Variants in EYA1 observed in about 807,000 individuals in gnomAD.
EYA1 encodes the protein protein phosphatase EYA1.
Under a neutral mutation model 82.0 loss-of-function variants are expected in EYA1, and 16 were observed. That is an observed-to-expected ratio of 0.20 (90% CI 0.13 to 0.30). The LOEUF is 0.30. EYA1 is among the 10% of genes least tolerant of loss of function. The probability of loss-of-function intolerance (pLI) is 1.00; values close to 1 mark genes in which losing one functional copy is unlikely to be tolerated. For synonymous variants in EYA1, 261 were observed against 264.4 expected (o/e 0.99, Z 0.12); for missense variants, 633 against 730.7 (o/e 0.87, Z 1.54).
At chr8:71,203,937 A>C (rs1807402276) in intron 17 of EYA1, among the ~76,000 whole-genome samples, 1 of 152,180 alleles carries the variant, frequency 6.6e-6, no homozygotes, top group Non-Finnish European at 1.5e-5. Flanking sequence ...CTGGTTTGGG[A>C]TAGCTGAATT....
At chr8:71,541,980 AT>A (rs1815173856) in intron 1 of EYA1, among the ~76,000 whole-genome samples, 1 of 152,176 alleles carries the variant, frequency 6.6e-6, no homozygotes, top group Admixed American at 6.5e-5. Flanking sequence ...CTCAGTTATT[AT>A]TTTTGCTGTC....
chr8:71,306,131 C>T (rs1452009210), intron 7 of EYA1, among the ~76,000 whole-genome samples: 2 of 152,200 alleles, frequency 1.3e-5, no homozygotes, highest in Non-Finnish European at 2.9e-5. Context: ...TAAGGAGGTG[C>T]TCAGCAAAAT....
At chr8:71,373,473 TGAAA>T (rs1355030678) in intron 2 of EYA1, among the ~76,000 whole-genome samples, 1 of 152,018 alleles carries the variant, frequency 6.6e-6, no homozygotes, top group African/African-American at 2.4e-5. Context: ...GAAACATTGA[TGAAA>T]GAAATTAAGA....
chr8:71,435,403 A>AAT (rs1220604476), intron 2 of EYA1, among the ~76,000 whole-genome samples: 1 of 152,054 alleles, frequency 6.6e-6, no homozygotes, highest in Non-Finnish European at 1.5e-5. Flanking sequence ...TGATTCATAT[A>AAT]TAAATATATT....
At chr8:71,403,061 A>G (rs993136467) in intron 2 of EYA1, among the ~76,000 whole-genome samples, 1 of 152,228 alleles carries the variant, frequency 6.6e-6, no homozygotes, top group Non-Finnish European at 1.5e-5. Flanking sequence ...CCCAAAAGCT[A>G]CAAAGGAGAA....
chr8:71,542,232 C>T (rs1002629684), intron 1 of EYA1, among the ~76,000 whole-genome samples: 2 of 152,098 alleles, frequency 1.3e-5, no homozygotes, highest in East Asian at 1.9e-4. Context: ...CTTCACCCTC[C>T]GATAGACTCC....
intron 3 of EYA1, among the ~76,000 whole-genome samples, chr8:71,354,330 T>C (rs1365973788): frequency 6.6e-6 from 1 of 152,198 alleles, no homozygotes; most frequent in African/African-American, 2.4e-5. Flanking sequence ...AATTATTTCA[T>C]TGATATTTAC....
chr8:71,535,722 G>C (rs1336187277), intron 2 of EYA1: 1 of 1,496,844 alleles, frequency 6.7e-7, no homozygotes, highest in East Asian at 2.5e-5. Context: ...CTTTCCTTAG[G>C]ACTGACATTC....
At chr8:71,405,370 C>A (rs112842404) in intron 2 of EYA1, among the ~76,000 whole-genome samples, 1 of 152,208 alleles carries the variant, frequency 6.6e-6, no homozygotes, top group Non-Finnish European at 1.5e-5. Context: ...TAACTCTTAA[C>A]CACAGAATGT....
At chr8:71,283,892 T>C (rs894047906) in intron 9 of EYA1, among the ~76,000 whole-genome samples, 1 of 152,204 alleles carries the variant, frequency 6.6e-6, no homozygotes, top group Non-Finnish European at 1.5e-5. Flanking sequence ...TGTTTAGGGA[T>C]GTATTACTGT....
intron 2 of EYA1, among the ~76,000 whole-genome samples, chr8:71,406,112 G>A (rs1166839219): frequency 6.6e-6 from 1 of 152,168 alleles, no homozygotes; most frequent in African/African-American, 2.4e-5. Flanking sequence ...GCAGTTTTTT[G>A]TGTATCAGTT....
chr8:71,199,879 T>TTTATTTCCCTCAGTTATTCTTCA (rs1806733849), intron 17 of EYA1: 1 of 175,520 alleles, frequency 5.7e-6, no homozygotes, highest in South Asian at 1.3e-4. Flanking sequence ...TTTTTTTCCA[T>TTTATTTCCCTCAGTTATTCTTCA]TTATTTCCCT....
chr8:71,326,887 C>G (rs1823215214), intron 4 of EYA1, among the ~76,000 whole-genome samples: 4 of 152,124 alleles, frequency 2.6e-5, no homozygotes, highest in African/African-American at 9.7e-5. Context: ...AGTGACCTCT[C>G]AAAAACATAA....
At chr8:71,268,507 T>C (rs923762574) in intron 11 of EYA1, among the ~76,000 whole-genome samples, 3 of 152,228 alleles carry the variant, frequency 2.0e-5, no homozygotes, top group African/African-American at 4.8e-5. Flanking sequence ...ATTCCTACTA[T>C]GTGCTAATCA....
intron 2 of EYA1, among the ~76,000 whole-genome samples, chr8:71,486,330 T>C (rs1201704752): frequency 6.6e-6 from 1 of 151,984 alleles, no homozygotes; most frequent in Non-Finnish European, 1.5e-5. Flanking sequence ...ACAGAAGAGG[T>C]ATAATCGACT....
At chr8:71,238,066 C>G (rs1475561241) in intron 12 of EYA1, among the ~76,000 whole-genome samples, 3 of 152,112 alleles carry the variant, frequency 2.0e-5, no homozygotes, top group Non-Finnish European at 4.4e-5. Flanking sequence ...AAATGGCCAT[C>G]TGAAGATTTT....
At chr8:71,250,524 C>A (rs944746445) in intron 11 of EYA1, among the ~76,000 whole-genome samples, 2 of 152,208 alleles carry the variant, frequency 1.3e-5, no homozygotes, top group African/African-American at 4.8e-5. Flanking sequence ...GTATCTTCCT[C>A]CTCCTGTTTT....
chr8:71,244,816 G>A (rs1812881180), intron 11 of EYA1, 124 bp from the exon 12 acceptor site: 1 of 643,654 alleles, frequency 1.6e-6, no homozygotes, highest in Admixed American at 2.6e-5. Flanking sequence ...AGAGACTTGG[G>A]CAACAGCTGC....
chr8:71,310,571 T>C (rs1011923269), intron 7 of EYA1, among the ~76,000 whole-genome samples: 3 of 152,324 alleles, frequency 2.0e-5, no homozygotes, highest in African/African-American at 7.2e-5. Context: ...GCTCCATCCA[T>C]GTTCCTGCAA....
Sources: allele counts gnomAD v4.1 joint callset (sites outside exome capture counted in the v4.1 genomes callset), GRCh38; gene constraint gnomAD v4.1.1; transcripts MANE v1.5; gene names NCBI Gene and HGNC (gene_info 2026-07-23, HGNC 2026-07-21).